SETD1B: variants seen among roughly 807,000 people sequenced by gnomAD.
SETD1B encodes SET domain containing 1B, histone lysine methyltransferase, also known as histone-lysine N-methyltransferase SETD1B.
SETD1B carries 7 observed loss-of-function variants against 148.0 expected under a neutral mutation model. The ratio of observed to expected loss-of-function variants is 0.05; its 90% CI spans 0.03 to 0.09. The LOEUF (loss-of-function observed/expected upper bound fraction) is 0.09, where lower values mean the gene tolerates loss of function less well. Among genes scored for constraint, SETD1B ranks in the 10% least tolerant of loss-of-function variants. The pLI, the probability that SETD1B is intolerant of heterozygous loss-of-function variation, is 1.00. For missense variants in SETD1B, 2,155 were observed against 2,729.9 expected (o/e 0.79, Z 4.69); for synonymous variants, 1,361 against 1,186.5 (o/e 1.15, Z -3.02).
At position 121,832,097 on chromosome 12, in the gene SETD1B, T is replaced by G. The variant is rs1256233067; in HGVS notation, c.*1858T>G. ...TTCACATGAGGAAATGCGTAGCTTGTAGAGACGGCTGATTCAAGTTACATG... is the reference window on the plus strand; with the variant it reads ...TTCACATGAGGAAATGCGTAGCTTGGAGAGACGGCTGATTCAAGTTACATG... On this transcript the variant is annotated 3_prime_UTR_variant, in exon 17 of 17. Coordinates refer to ENST00000604567, the MANE Select transcript of SETD1B (RefSeq NM_001353345.2). 1 of 152,188 alleles carries G rather than the reference T, an allele frequency of 6.6e-6. No homozygotes were observed. Among genetic ancestry groups the G allele is most frequent in the Non-Finnish European group, 1.5e-5 (1 of 68,042 alleles). 9.4% of individuals were successfully genotyped at this position (152,188 alleles called of 1,614,324 possible). A position where few individuals can be genotyped will look rare whatever the true frequency, so the allele number is the denominator to read the frequency against.
chr12:121,817,236 C>T lies in SETD1B; in HGVS notation c.2919C>T (p.Thr973=). The change falls in exon 8 of 17, where the codon ACC becomes ACT. Residue 973 remains threonine, a synonymous_variant. Coordinates refer to ENST00000604567, the MANE Select transcript of SETD1B (RefSeq NM_001353345.2). This position sits in a 1 kb window ranked among gnomAD's most constrained non-coding sequence, Gnocchi z 8.1. ...AGAGGAAGGAGCCACCAGACACCACCTCATCTGGCGACCAGAAGCGGCTGC... is the reference window on the plus strand; with the variant it reads ...AGAGGAAGGAGCCACCAGACACCACTTCATCTGGCGACCAGAAGCGGCTGC... ...KVKRKEPPDT[T]SSGDQKRLRP... The T allele has an allele frequency of 6.4e-7, 1 of 1,551,074 alleles. No individual in the cohort carries two copies.
chr12:121,798,050 AG>A, the SETD1B span, among the ~76,000 whole-genome samples: 1 of 152,220 alleles, frequency 6.6e-6, no homozygotes, highest in Non-Finnish European at 1.5e-5. Flanking sequence ...AGTCCCGGGC[AG>A]GGATGCCAGC....
intron 6 of SETD1B, 33 bp from the exon 7 acceptor site, chr12:121,814,073 T>G: frequency 6.6e-6 from 10 of 1,521,756 alleles, no homozygotes; most frequent in Non-Finnish European, 8.0e-6. Flanking sequence ...CCTTCCAGAC[T>G]CACCTCACTG....
In SETD1B at chr12:121,814,417, T is replaced by G; in HGVS notation, c.2202T>G (p.Pro734=). The change falls in exon 7 of 17, where the codon CCT becomes CCG. Residue 734 remains proline (P), a synonymous_variant. Coordinates refer to ENST00000604567, the MANE Select transcript of SETD1B (RefSeq NM_001353345.2). ...TVPPPPLPAP[P]GVPPPPILPP... ...CCCCACCACCCTTGCCAGCGCCGCC[T>G]GGAGTCCCGCCCCCACCCATCCTGC... 1.5e-6 allele frequency: 2 copies of G among 1,365,576 alleles called. No homozygotes were observed. Among genetic ancestry groups the G allele is most frequent in the Non-Finnish European group, 1.9e-6 (2 of 1,042,174 alleles). The allele number at this position is 1,365,576 out of a possible 1,614,324, so 84.6% of individuals were successfully genotyped here.
intron 16 of SETD1B, among the ~76,000 whole-genome samples, chr12:121,829,671 C>T (rs1877000751): frequency 6.6e-6 from 1 of 152,172 alleles, no homozygotes; most frequent in African/African-American, 2.4e-5. Context: ...AAAGCAGCCA[C>T]AAATTATATG....
In SETD1B at chr12:121,810,918, C is replaced by T. The variant is rs1257161627; in HGVS notation, c.1890+83C>T. ...TTCCCCCTTCAAGCATTTAGCATGACTAGCTAAGATGCGGAAGCAATGGGG... is the reference window on the plus strand; with the variant it reads ...TTCCCCCTTCAAGCATTTAGCATGATTAGCTAAGATGCGGAAGCAATGGGG... On this transcript the variant is annotated intron_variant, in intron 6 of 16. Coordinates refer to ENST00000604567, the MANE Select transcript of SETD1B (RefSeq NM_001353345.2). This position sits in a 1 kb window ranked among gnomAD's most constrained non-coding sequence, Gnocchi z 7.6. The T allele has an allele frequency of 4.9e-6, 7 of 1,417,964 alleles. No individual in the cohort carries two copies. In the African/African-American group the frequency reaches 8.7e-5, roughly 18 times the overall value. The allele number at this position is 1,417,964 out of a possible 1,614,324, so 87.8% of individuals were successfully genotyped here.
chr12:121,802,439 T>C (rs2137535402), upstream of SETD1B: 1 of 152,368 alleles, frequency 6.6e-6, no homozygotes, highest in South Asian at 2.1e-4. Flanking sequence ...CCTAAAGCTA[T>C]ATACATTTAA....
In SETD1B at chr12:121,809,486, C is replaced by T. The variant is rs945830046; in HGVS notation, c.658-117C>T. The T allele has an allele frequency of 3.6e-6, 4 of 1,115,204 alleles. No individual in the cohort carries two copies. The African/African-American group carries it at 6.3e-5, about 18-fold the overall frequency. 69.1% of individuals were successfully genotyped at this position (1,115,204 alleles called of 1,614,324 possible). On this transcript the variant is annotated intron_variant, in intron 5 of 16. Coordinates refer to ENST00000604567, the MANE Select transcript of SETD1B (RefSeq NM_001353345.2). ...ATCTCCCCCACTTCCATTCCTTATG[C>T]TGCAGTTCTAGAGCAGTTTGGCTCT... is the stretch of plus-strand genomic sequence containing the variant.
Position 121,814,568 on chromosome 12 carries a change from C to T in SETD1B, c.2353C>T (p.Leu785=), listed in dbSNP as rs1431497910. 6.6e-7 allele frequency: 1 copy of T among 1,508,600 alleles called. No individual in the cohort carries two copies. 93.5% of individuals were successfully genotyped at this position (1,508,600 alleles called of 1,614,324 possible). A position where few individuals can be genotyped will look rare whatever the true frequency, so the allele number is the denominator to read the frequency against. The change falls in exon 7 of 17, where the codon CTG becomes TTG. Residue 785 remains leucine, a synonymous_variant. Transcript: ENST00000604567. ...GATGCAAACGCAGGTGCTCAGCCGG[C>T]TGATGACGGGCCAGGGCGCCTGCCC... is the stretch of plus-strand genomic sequence containing the variant. ...FQMQTQVLSR[L]MTGQGACPYP...
rs897108326 is a variant in SETD1B at position 121,831,738 on chromosome 12, C to T, written c.*1499C>T. ...GACCCGGAGTCCTCATCAAGATGAGCGCGCTCCATGAGGGAGCTGCTCCCA... is the reference window on the plus strand; with the variant it reads ...GACCCGGAGTCCTCATCAAGATGAGTGCGCTCCATGAGGGAGCTGCTCCCA... On this transcript the variant is annotated 3_prime_UTR_variant, in exon 17 of 17. Transcript: ENST00000604567. 1.3e-5 allele frequency: 2 copies of T among 152,230 alleles called. No homozygotes were observed. The highest frequency in any genetic ancestry group is 2.9e-5 in the Non-Finnish European group (2 of 68,044). 9.4% of individuals were successfully genotyped at this position (152,230 alleles called of 1,614,324 possible). A position where few individuals can be genotyped will look rare whatever the true frequency, so the allele number is the denominator to read the frequency against.
chr12:121,809,916 G>T lies in SETD1B; in HGVS notation c.971G>T (p.Arg324Leu). The T allele has an allele frequency of 6.4e-7, 1 of 1,550,892 alleles. No homozygotes were observed. The part of the protein sequence containing the change: ...ESKFTDAYNR[R>L]HEHHYVHNSP... ...AAGTTCACGGACGCCTACAACCGCC[G>T]CCACGAACATCATTATGTACACAAT... Residue 324 changes from arginine (R) to leucine (L), a missense_variant, in exon 6 of 17, where the codon CGC becomes CTC. By Grantham distance (102) the Arg-to-Leu change is moderately radical. This residue lies in a region of SETD1B where 376 missense variants were observed against 385.0 expected (regional missense o/e 0.98). Transcript: ENST00000604567.
the SETD1B span, among the ~76,000 whole-genome samples, chr12:121,794,841 T>C: frequency 6.6e-6 from 1 of 152,102 alleles, no homozygotes; most frequent in Non-Finnish European, 1.5e-5. Flanking sequence ...AGTGGGATCC[T>C]ACCAGCTGGG....
chr12:121,809,847 G>C lies in SETD1B; in HGVS notation c.902G>C (p.Ser301Thr). Reference sequence around the variant, plus strand: ...CAGCCCACACCCTCATACCTCTTCAGCCAGGACCCTGCAGTGACCTTCAAG... The same window carrying C: ...CAGCCCACACCCTCATACCTCTTCACCCAGGACCCTGCAGTGACCTTCAAG... ...SRQPTPSYLF[S>T]QDPAVTFKAR... The change falls in exon 6 of 17, where the codon AGC becomes ACC. Residue 301 changes from serine (S) to threonine (T), a missense_variant. Transcript: ENST00000604567. 5 of 1,551,448 alleles carry C rather than the reference G, an allele frequency of 3.2e-6. No individual in the cohort carries two copies. Among genetic ancestry groups the C allele is most frequent in the Non-Finnish European group, 4.4e-6 (5 of 1,146,984 alleles).
the SETD1B span, chr12:121,793,589 C>T: frequency 5.8e-6 from 9 of 1,552,656 alleles, no homozygotes; most frequent in African/African-American, 1.4e-5. Context: ...CCTTCCTGCC[C>T]GGACCGGGGG....
At chr12:121,806,673 G>T (rs553224346) in intron 4 of SETD1B, among the ~76,000 whole-genome samples, 1 of 152,184 alleles carries the variant, frequency 6.6e-6, no homozygotes, top group African/African-American at 2.4e-5. Flanking sequence ...GAGCAGAGCC[G>T]GGAAGAGGGA....
chr12:121,794,399 G>A, the SETD1B span: 1 of 152,254 alleles, frequency 6.6e-6, no homozygotes, highest in Admixed American at 6.5e-5. Flanking sequence ...GAAACCACTA[G>A]GGGCGGCCGC....
the SETD1B span, among the ~76,000 whole-genome samples, chr12:121,792,379 T>A: frequency 6.6e-6 from 1 of 152,214 alleles, no homozygotes. Context: ...TCCCACTGAC[T>A]GTTTCTCCTG....
chr12:121,798,057 C>T, the SETD1B span, among the ~76,000 whole-genome samples: 1 of 152,230 alleles, frequency 6.6e-6, no homozygotes, highest in Non-Finnish European at 1.5e-5. Flanking sequence ...GGCAGGGATG[C>T]CAGCAGACAG....
At chr12:121,790,649 G>A in the SETD1B span, among the ~76,000 whole-genome samples, 1 of 152,204 alleles carries the variant, frequency 6.6e-6, no homozygotes, top group Non-Finnish European at 1.5e-5. Flanking sequence ...GGAGCAGCCA[G>A]ATCTCTTCTC....
Sources: gnomAD v4.1 joint callset for allele counts (sites outside exome capture counted in the v4.1 genomes callset) on GRCh38, gnomAD v4.1.1 for gene constraint, gnomAD v4.1.1 regional missense constraint, Gnocchi (gnomAD v3.1) non-coding constraint, MANE v1.5 for transcripts, NCBI Gene and HGNC (gene_info 2026-07-23, HGNC 2026-07-21) for gene names.